Variants in PODN observed in about 807,000 individuals in gnomAD.
PODN encodes the protein podocan.
Under a neutral mutation model 52.7 loss-of-function variants are expected in PODN, and 40 were observed. That is an observed-to-expected ratio of 0.76 (90% CI 0.59 to 0.99). The LOEUF is 0.99. Among genes scored for constraint, PODN ranks in the 50% least tolerant of loss-of-function variants. The pLI is 0.00. For synonymous variants in PODN, 396 were observed against 377.9 expected, an observed-to-expected ratio of 1.05 and a Z score of -0.56; for missense variants, 720 against 815.1, an observed-to-expected ratio of 0.88 and a Z score of 1.42.
chr1:53,062,490 CG>C (rs1643972547), intron 1 of PODN, among the ~76,000 whole-genome samples, 182 bp downstream of exon 1: 1 of 152,210 alleles, frequency 6.6e-6, no homozygotes, highest in African/African-American at 2.4e-5. Flanking sequence ...CTCTGGAGTG[CG>C]ACCCCTGCGC....
intron 1 of PODN, chr1:53,066,806 A>G (rs1171091738): frequency 6.5e-7 from 1 of 1,545,000 alleles, no homozygotes; most frequent in Non-Finnish European, 8.8e-7. Context: ...ATTTTTATTG[A>G]TGCAGTTTAC....
chr1:53,081,840 C>T, intron 9 of PODN, 141 bp from the exon 10 acceptor site: 1 of 1,291,400 alleles, frequency 7.7e-7, no homozygotes, highest in Non-Finnish European at 1.0e-6. Context: ...GCGCTCTCAG[C>T]CCCTGGCCTT....
intron 5 of PODN, among the ~76,000 whole-genome samples, 171 bp downstream of exon 5, chr1:53,076,142 G>A (rs556616444): frequency 6.6e-6 from 1 of 152,346 alleles, no homozygotes; most frequent in South Asian, 2.1e-4. Context: ...GGGCCAGGAG[G>A]TGAGGACAGA....
At chr1:53,079,350 T>A (rs983189059) in intron 8 of PODN, among the ~76,000 whole-genome samples, 11 of 152,222 alleles carry the variant, frequency 7.2e-5, no homozygotes, top group African/African-American at 2.4e-4. Context: ...GATACAGGTT[T>A]GAGAAGGGCT....
chr1:53,067,842 G>A (rs1472711826), intron 1 of PODN, among the ~76,000 whole-genome samples: 2 of 151,142 alleles, frequency 1.3e-5, no homozygotes, highest in Non-Finnish European at 1.5e-5. Flanking sequence ...CTTCAGCCCC[G>A]GAGCTCAAGG....
At chr1:53,076,131 CG>C (rs1162893383) in intron 5 of PODN, among the ~76,000 whole-genome samples, 160 bp downstream of exon 5, 1 of 152,172 alleles carries the variant, frequency 6.6e-6, no homozygotes, top group African/African-American at 2.4e-5. Context: ...GAGGACAACT[CG>C]GGCCAGGAGG....
chr1:53,080,446 G>T (rs1370845249), intron 8 of PODN, among the ~76,000 whole-genome samples: 1 of 152,206 alleles, frequency 6.6e-6, no homozygotes, highest in Non-Finnish European at 1.5e-5. Context: ...ATGTGGGAAG[G>T]CACAAGAAGC....
chr1:53,066,020 C>T (rs889239838), intron 1 of PODN, among the ~76,000 whole-genome samples: 4 of 95,404 alleles, frequency 4.2e-5, no homozygotes, highest in Admixed American at 2.9e-4. Flanking sequence ...TTTTTTGAGA[C>T]GGTCTCACTC....
Position 53,078,763 on chromosome 1 carries a change from G to A in PODN, c.1253G>A (p.Ser418Asn). The change falls in exon 8 of 11, where the codon AGC (serine) becomes AAC (asparagine). Residue 418 changes from serine to asparagine, a missense_variant. By Grantham distance (46) the Ser-to-Asn change is conservative. Transcript: ENST00000312553. ...AACCTCAGCTACAACCGCATCACCAGCCCGCAGGTGCACCGCGACGCCTTC... is the reference window on the plus strand; with the variant it reads ...AACCTCAGCTACAACCGCATCACCAACCCGCAGGTGCACCGCGACGCCTTC... ...ELNLSYNRITSPQVHRDAFRK... is the reference protein window; with the variant it reads ...ELNLSYNRITNPQVHRDAFRK... 6.2e-7 allele frequency: 1 copy of A among 1,613,352 alleles called. No homozygotes were observed. Among genetic ancestry groups the A allele is most frequent in the Middle Eastern group, 1.6e-4 (1 of 6,062 alleles).
chr1:53,063,430 C>T (rs1643988786), intron 1 of PODN: 8 of 985,618 alleles, frequency 8.1e-6, no homozygotes, highest in Non-Finnish European at 9.6e-6. Context: ...ACCGGGAGAG[C>T]CCCTGGGTGG....
intron 4 of PODN, among the ~76,000 whole-genome samples, chr1:53,074,911 G>A (rs554303469): frequency 1.6e-4 from 24 of 152,204 alleles, no homozygotes; most frequent in African/African-American, 5.5e-4. Flanking sequence ...AGAGGGGGAA[G>A]AGCTTGTCCC....
intron 3 of PODN, chr1:53,072,897 C>T (rs1267888282): frequency 1.3e-5 from 2 of 153,542 alleles, no homozygotes; most frequent in African/African-American, 4.8e-5. Flanking sequence ...CCCGTCTCTA[C>T]TAAAAATACA....
intron 5 of PODN, 109 bp downstream of exon 5, chr1:53,076,080 T>TG: frequency 1.0e-6 from 1 of 958,510 alleles, no homozygotes; most frequent in Non-Finnish European, 1.6e-6. Flanking sequence ...GGCCCTGCAC[T>TG]CAGGGCTGTG....
chr1:53,066,682 C>A (rs1055067703), intron 1 of PODN: 1 of 761,826 alleles, frequency 1.3e-6, no homozygotes, highest in South Asian at 1.8e-5. Flanking sequence ...GGGAGCTCAG[C>A]TTTGCCACTT....
chr1:53,063,496 C>T, intron 1 of PODN: 2 of 985,556 alleles, frequency 2.0e-6, no homozygotes, highest in Non-Finnish European at 2.4e-6. Context: ...AAGGCAGCGG[C>T]GAGGCAGGAG....
At chr1:53,066,961 C>A (rs1234421686) in intron 1 of PODN, 16 of 1,281,060 alleles carry the variant, frequency 1.2e-5, no homozygotes, top group Non-Finnish European at 1.7e-5. Flanking sequence ...TGGGCCTGTG[C>A]CCACACTCTC....
intron 1 of PODN, among the ~76,000 whole-genome samples, chr1:53,064,955 C>T (rs1374654161): frequency 2.6e-5 from 4 of 152,218 alleles, no homozygotes; most frequent in African/African-American, 9.6e-5. Context: ...AGATGTTCCT[C>T]ACCAGGTGGA....
intron 8 of PODN, among the ~76,000 whole-genome samples, chr1:53,079,878 C>G (rs1415200850): frequency 6.6e-6 from 1 of 151,768 alleles, no homozygotes; most frequent in African/African-American, 2.4e-5. Context: ...TGGCATGCAT[C>G]TCACCCTGGG....
intron 1 of PODN, 27 bp downstream of exon 1, chr1:53,062,335 G>A: frequency 2.4e-6 from 3 of 1,238,926 alleles, no homozygotes; most frequent in Non-Finnish European, 3.1e-6. Flanking sequence ...GCCGGGGTGG[G>A]CCGAGGGGCC....
Sources: gnomAD v4.1 joint callset for allele counts (sites outside exome capture counted in the v4.1 genomes callset) on GRCh38, gnomAD v4.1.1 for gene constraint, MANE v1.5 for transcripts, NCBI Gene and HGNC (gene_info 2026-07-23, HGNC 2026-07-21) for gene names.